Variants in CYRIB observed in about 807,000 individuals in gnomAD.
CYRIB encodes the protein CYFIP-related Rac1 interactor B.
CYRIB carries 8 observed loss-of-function variants against 44.2 expected under a neutral mutation model. The observed-to-expected ratio is 0.18, with a 90% CI of 0.11 to 0.33. The LOEUF is 0.33. Among genes scored for constraint, CYRIB ranks in the 10% least tolerant of loss-of-function variants. The pLI is 1.00. For missense variants in CYRIB, 185 were observed against 382.8 expected (o/e 0.48, Z 4.31); for synonymous variants, 131 against 127.2 (o/e 1.03, Z -0.20).
chr8:129,990,497 C>CGTGT lies in CYRIB; in HGVS notation c.-295-19506_-295-19503dup, dbSNP rs34534615. On this transcript the variant is annotated intron_variant, in intron 1 of 14. Transcript: ENST00000401979. ...GTGTGCATGCATGTGTGTGTGTATG[C>CGTGT]GTGTGTGTGTGTGTGTGTGTGTGTG... 3.5e-3 allele frequency among the ~76,000 whole-genome samples: 518 copies of CGTGT among 147,406 alleles called. 5 individuals are homozygous for CGTGT. The highest frequency in any genetic ancestry group is 0.012 in the African/African-American group (475 of 40,248).
At chr8:129,971,059 CGG>C (rs1425045354) in intron 1 of CYRIB, 64 bp from the exon 2 acceptor site, 1 of 152,188 alleles carries the variant, frequency 6.6e-6, no homozygotes, top group African/African-American at 2.4e-5. Flanking sequence ...AGAAAGCCCC[CGG>C]TAAATCCTAG....
chr8:129,877,142 A>T (rs1270836858), intron 3 of CYRIB, among the ~76,000 whole-genome samples: 1 of 152,244 alleles, frequency 6.6e-6, no homozygotes, highest in Non-Finnish European at 1.5e-5. Flanking sequence ...AATCTAAATA[A>T]GAAATAACAA....
chr8:129,901,900 A>G (rs2072308030), intron 2 of CYRIB: 1 of 152,208 alleles, frequency 6.6e-6, no homozygotes, highest in South Asian at 2.1e-4. Context: ...ACACATATTA[A>G]TGTAAGAAGC....
At chr8:129,859,467 C>T (rs2048131738) in intron 5 of CYRIB, among the ~76,000 whole-genome samples, 2 of 152,028 alleles carry the variant, frequency 1.3e-5, no homozygotes, top group Admixed American at 1.3e-4. Context: ...TCTAAACTCC[C>T]CCGGGGAAAG....
intron 2 of CYRIB, among the ~76,000 whole-genome samples, chr8:129,969,305 C>T (rs769337783): frequency 3.3e-5 from 5 of 152,300 alleles, no homozygotes; most frequent in South Asian, 2.1e-4. Flanking sequence ...TGAGCCACCG[C>T]GGCCGGCCTA....
chr8:129,908,601 C>T (rs1002955545), intron 1 of CYRIB, among the ~76,000 whole-genome samples: 5 of 151,962 alleles, frequency 3.3e-5, no homozygotes, highest in Admixed American at 2.0e-4. Context: ...TGGTCATTAC[C>T]TTTTGTATTT....
intron 7 of CYRIB, 67 bp from the exon 10 acceptor site, chr8:129,852,345 G>A: frequency 1.0e-6 from 1 of 973,778 alleles, no homozygotes; most frequent in Non-Finnish European, 1.4e-6. Context: ...AATTATACAA[G>A]GACCCAGGCA....
chr8:129,941,272 G>GTTTTTTTTTTTTTTT (rs551305807), upstream of CYRIB, among the ~76,000 whole-genome samples: 2 of 124,988 alleles, frequency 1.6e-5, no homozygotes, highest in Non-Finnish European at 1.7e-5. Flanking sequence ...AACTGAAGGA[G>GTTTTTTTTTTTTTTT]ATTTTTTTTT....
At chr8:129,903,857 T>G (rs540909131) in intron 1 of CYRIB, among the ~76,000 whole-genome samples, 2 of 152,176 alleles carry the variant, frequency 1.3e-5, no homozygotes, top group Non-Finnish European at 2.9e-5. Context: ...AGGGACACAT[T>G]TGGCAAAATT....
At position 129,876,115 on chromosome 8, in the gene CYRIB, GA is replaced by G. The variant is rs200991109; in HGVS notation, c.73+3273del. The stretch of plus-strand genomic sequence containing the variant: ...GTGACGGAGTGAGACTCCATCTCAA[GA>G]AAAAAAAAAAAAGGTCTTCCATGAT... On this transcript the variant is annotated intron_variant, in intron 3 of 11. Coordinates refer to ENST00000519824, the Ensembl canonical transcript of CYRIB. Among the ~76,000 whole-genome samples the G allele has an allele frequency of 1.7e-3, 209 of 122,718 alleles. 1 individual carries two copies. The highest frequency in any genetic ancestry group is 4.9e-3 in the Admixed American group (61 of 12,458). The allele number at this position is 122,718 out of a possible 152,430, so 80.5% of individuals were successfully genotyped here.
intron 1 of CYRIB, among the ~76,000 whole-genome samples, chr8:130,007,544 G>C (rs1394782715): frequency 6.6e-6 from 1 of 152,176 alleles, no homozygotes; most frequent in African/African-American, 2.4e-5. Context: ...CAGCACTTTG[G>C]GAGGCCGAGG....
At chr8:129,852,742 CA>C (rs2044015156) in intron 7 of CYRIB, among the ~76,000 whole-genome samples, 1 of 152,120 alleles carries the variant, frequency 6.6e-6, no homozygotes, top group Non-Finnish European at 1.5e-5. Context: ...TCCAATCTGG[CA>C]GGGGAAAGAG....
chr8:130,006,263 G>C lies in CYRIB; in HGVS notation c.-296+10107C>G, dbSNP rs192137784. On this transcript the variant is annotated intron_variant, in intron 1 of 14. Transcript: ENST00000401979. Reference sequence around the variant, plus strand: ...GGTTGCAGTGAGCCGAGATCACGCCGCTGTACTCCAGCTTGGGTGACAAAG... The same window carrying C: ...GGTTGCAGTGAGCCGAGATCACGCCCCTGTACTCCAGCTTGGGTGACAAAG... Among the ~76,000 whole-genome samples, 616 of 151,744 alleles carry C rather than the reference G, an allele frequency of 4.1e-3. 4 individuals are homozygous for C. The highest frequency in any genetic ancestry group is 0.014 in the African/African-American group (598 of 41,374).
intron 1 of CYRIB, among the ~76,000 whole-genome samples, chr8:129,992,064 C>T (rs992920718): frequency 6.6e-6 from 1 of 151,136 alleles, no homozygotes; most frequent in African/African-American, 2.4e-5. Context: ...GCCCGTAATC[C>T]CAGCACTTTG....
At chr8:129,954,993 C>T (rs1195109237) in intron 2 of CYRIB, among the ~76,000 whole-genome samples, 1 of 152,156 alleles carries the variant, frequency 6.6e-6, no homozygotes, top group African/African-American at 2.4e-5. Flanking sequence ...GTGGCTGACA[C>T]CTGTAATCCC....
chr8:129,904,097 C>T (rs1233495265), intron 1 of CYRIB, among the ~76,000 whole-genome samples: 1 of 152,124 alleles, frequency 6.6e-6, no homozygotes, highest in Non-Finnish European at 1.5e-5. Context: ...AAAATGGAAT[C>T]TTCAGAATGA....
At chr8:129,879,550 T>A in intron 2 of CYRIB, 79 bp from the exon 5 acceptor site, 1 of 1,056,818 alleles carries the variant, frequency 9.5e-7, no homozygotes, top group Non-Finnish European at 1.4e-6. Context: ...AGAAAAATAG[T>A]AACAGGGAAA....
rs184408779 is a variant in CYRIB, at chr8:129,904,651, C to T, written c.-49-1301G>A. ...AAACTAGGTCAAGACACTTGATTTCCACAATACCATAATCCCTTTTCATCC... is the reference window on the plus strand; with the variant it reads ...AAACTAGGTCAAGACACTTGATTTCTACAATACCATAATCCCTTTTCATCC... On this transcript the variant is annotated intron_variant, in intron 1 of 11. Transcript: ENST00000519824. The T allele has an allele frequency of 2.0e-5, 3 of 152,304 alleles. No individual in the cohort carries two copies. The East Asian group carries it at 5.8e-4, about 29-fold the overall frequency. The allele number at this position is 152,304 out of a possible 1,614,324, so 9.4% of individuals were successfully genotyped here.
intron 3 of CYRIB, among the ~76,000 whole-genome samples, chr8:129,878,444 T>C (rs1234465685): frequency 6.6e-6 from 1 of 152,260 alleles, no homozygotes; most frequent in Non-Finnish European, 1.5e-5. Flanking sequence ...TTATTTGTTT[T>C]GTTTTTAAAA....
Sources: allele counts gnomAD v4.1 joint callset (sites outside exome capture counted in the v4.1 genomes callset), GRCh38; gene constraint gnomAD v4.1.1; transcripts MANE v1.5; gene names NCBI Gene and HGNC (gene_info 2026-07-23, HGNC 2026-07-21).